Variants in WDR90 observed in about 807,000 individuals in gnomAD.
WDR90 encodes the protein WD repeat domain 90, also known as WD repeat-containing protein 90.
Under a neutral mutation model 195.2 loss-of-function variants are expected in WDR90, and 238 were observed. The observed-to-expected ratio is 1.22, with a 90% CI of 1.10 to 1.36. WDR90 has a LOEUF of 1.36. Among genes scored for constraint, WDR90 ranks in the 40% most tolerant of loss-of-function variants. WDR90 has a pLI of 0.00. For synonymous variants in WDR90, 1,265 were observed against 1,052.4 expected (o/e 1.20, Z -3.91); for missense variants, 2,734 against 2,439.5 (o/e 1.12, Z -2.54).
In WDR90 at chr16:656,283, GACCCC is replaced by G; in HGVS notation, c.1967-9_1967-5del. 6.3e-7 allele frequency: 1 copy of G among 1,585,796 alleles called. No individual in the cohort carries two copies. Among genetic ancestry groups the G allele is most frequent in the Non-Finnish European group, 8.6e-7 (1 of 1,162,156 alleles). On this transcript the variant is annotated splice_polypyrimidine_tract_variant and intron_variant, in intron 17 of 40. Coordinates refer to ENST00000293879, the MANE Select transcript of WDR90 (RefSeq NM_145294.5). ...CCCCGGGGTGGCCCTGGAGGCCCCT[GACCCC>G]ACCCCACCCACAGAGCACGAGGGCC...
chr16:660,883 A>T, intron 28 of WDR90, 168 bp from the exon 29 acceptor site: 3 of 772,770 alleles, frequency 3.9e-6, no homozygotes, highest in Non-Finnish European at 5.2e-6. Flanking sequence ...CCTGTGAAGC[A>T]CTTTGGCTAC....
Position 660,045 on chromosome 16 carries a change from T to A in WDR90, c.3185-13T>A. 1 of 1,535,564 alleles carries A rather than the reference T, an allele frequency of 6.5e-7. No individual in the cohort carries two copies. ...GCAGTGTAATGCCACAAGCTCTGCC[T>A]CCTCCCTGCCAGGCGCCAGGGACAC... On this transcript the variant is annotated splice_polypyrimidine_tract_variant and intron_variant, in intron 26 of 40. Coordinates refer to ENST00000293879, the MANE Select transcript of WDR90 (RefSeq NM_145294.5).
chr16:655,236 T>C (rs1322203582), intron 14 of WDR90, 71 bp from the exon 15 acceptor site: 1 of 1,611,816 alleles, frequency 6.2e-7, no homozygotes. Flanking sequence ...GGCTTGGCTG[T>C]GCGTCTCTGC....
rs190332617 is a variant in WDR90, at chr16:655,049, C to A, written c.1458C>A (p.Thr486=). ...TGCAGATGGTGGTGGCCTGGGGCAC[C>A]GGCCAGGTGGGCCTCGGTGGCGAGG... ...HGRTMVVAWG[T]GQVGLGGEVV... is the part of the protein sequence containing the mutation. The change falls in exon 14 of 41, where the codon ACC becomes ACA. Residue 486 remains threonine (T), a synonymous_variant. Coordinates refer to ENST00000293879, the MANE Select transcript of WDR90 (RefSeq NM_145294.5). 41 of 1,612,628 alleles carry A rather than the reference C, an allele frequency of 2.5e-5. No individual in the cohort carries two copies. In the African/African-American group the frequency reaches 4.8e-4, roughly 19 times the overall value.
At chr16:652,102 C>T (rs1010076589) in intron 9 of WDR90, 63 bp downstream of exon 9, 30 of 1,504,344 alleles carry the variant, frequency 2.0e-5, no homozygotes, top group Non-Finnish European at 2.7e-5. Context: ...GCTGGTAGCC[C>T]GCCCCGAGAT....
Position 658,659 on chromosome 16 carries a change from T to C in WDR90, c.2895+6T>C. 6.2e-7 allele frequency: 1 copy of C among 1,602,818 alleles called. No homozygotes were observed. Among genetic ancestry groups the C allele is most frequent in the South Asian group, 1.1e-5 (1 of 90,854 alleles). On this transcript the variant is annotated splice_donor_region_variant and intron_variant, in intron 23 of 40. Transcript: ENST00000293879. ...AGGCCAGCCCAGGCCCCCAGGTGTGTGCGTGGGGAGGCAGGTGGCTTTGGC... is the reference window on the plus strand; with the variant it reads ...AGGCCAGCCCAGGCCCCCAGGTGTGCGCGTGGGGAGGCAGGTGGCTTTGGC...
At position 653,773 on chromosome 16, in the gene WDR90, C is replaced by A. The variant is rs566783430; in HGVS notation, c.1407C>A (p.Cys469Ter). 4 of 1,613,128 alleles carry A rather than the reference C, an allele frequency of 2.5e-6. No individual in the cohort carries two copies. Among genetic ancestry groups the A allele is most frequent in the African/African-American group, 1.3e-5 (1 of 74,930 alleles). ...TCTCTGACAGCGGGGCCCTTCTCTG[C>A]GGGGTTGGCAAGGACCACCACGGGA... ...LSFSDSGALLCGVGKDHHGRT... is the reference protein window; with the variant it reads ...LSFSDSGALL Residue 469 changes from cysteine to a stop codon, truncating the protein, a stop_gained, in exon 13 of 41, where the codon TGC (cysteine) becomes TGA (stop). Coordinates refer to ENST00000293879, the MANE Select transcript of WDR90 (RefSeq NM_145294.5). LOFTEE classifies it high-confidence loss of function.
chr16:653,578 AAGGGCCCCT>A lies in WDR90; in HGVS notation c.1290_1298del (p.Arg430_Pro432del). 1 of 1,613,458 alleles carries A rather than the reference AAGGGCCCCT, an allele frequency of 6.2e-7. No homozygotes were observed. Among genetic ancestry groups the A allele is most frequent in the South Asian group, 1.1e-5 (1 of 91,088 alleles). ...GCTCACTATTGGCCTCGGCCCAGGC[AAGGGCCCCT>A]AGTGTGATGCGGCTCTGGGACTTCC... On this transcript the variant is annotated inframe_deletion, in exon 12 of 41. Transcript: ENST00000293879.
Position 659,174 on chromosome 16 carries a change from G to T in WDR90, c.3052+48G>T, listed in dbSNP as rs73487445. On this transcript the variant is annotated intron_variant, in intron 25 of 40. Coordinates refer to ENST00000293879, the MANE Select transcript of WDR90 (RefSeq NM_145294.5). The stretch of plus-strand genomic sequence containing the variant: ...GGTGCAGGTGCTGCGCTGACTCTGG[G>T]GCCCGTCCTGTGTCTGCCTAGTGGC... 3.4e-3 allele frequency: 5,534 copies of T among 1,609,818 alleles called. 164 individuals carry two copies. The African/African-American group carries it at 0.063, about 18-fold the overall frequency.
At chr16:662,939 G>A (rs1567222233) in intron 34 of WDR90, 95 bp downstream of exon 34, 2 of 1,512,350 alleles carry the variant, frequency 1.3e-6, no homozygotes, top group Admixed American at 3.9e-5. Context: ...ATGATTCCAA[G>A]TCCTGCCGTC....
At chr16:657,672 G>C in intron 20 of WDR90, 90 bp from the exon 21 acceptor site, 1 of 1,423,180 alleles carries the variant, frequency 7.0e-7, no homozygotes, top group South Asian at 1.5e-5. Flanking sequence ...TTTCCCGAAA[G>C]TGGGGGCAGG....
intron 28 of WDR90, 57 bp from the exon 29 acceptor site, chr16:660,994 C>CCCCA: frequency 1.0e-5 from 1 of 96,210 alleles, no homozygotes; most frequent in Non-Finnish European, 1.6e-5. Flanking sequence ...CCCCAGGCCC[C>CCCCA]TCCCCGCCCC....
At chr16:652,942 G>A (rs949268253) in intron 10 of WDR90, among the ~76,000 whole-genome samples, 1 of 152,240 alleles carries the variant, frequency 6.6e-6, no homozygotes, top group African/African-American at 2.4e-5. Flanking sequence ...TGGCAGAGGA[G>A]GTGGCCTTCC....
At position 655,019 on chromosome 16, in the gene WDR90, C is replaced by T; in HGVS notation, c.1438-10C>T. 1 of 1,611,854 alleles carries T rather than the reference C, an allele frequency of 6.2e-7. No homozygotes were observed. Among genetic ancestry groups the T allele is most frequent in the Non-Finnish European group, 8.5e-7 (1 of 1,179,298 alleles). On this transcript the variant is annotated splice_polypyrimidine_tract_variant and intron_variant, in intron 13 of 40. Coordinates refer to ENST00000293879, the MANE Select transcript of WDR90 (RefSeq NM_145294.5). ...CCCTGCCGTGCGGGCTCAGCCTGGG[C>T]TTGTTGCAGATGGTGGTGGCCTGGG...
chr16:652,519 G>C lies in WDR90; in HGVS notation c.1106G>C (p.Gly369Ala), dbSNP rs1173045371. Reference protein sequence around the residue: ...LRLKGVIGFGGHGTRQALWTP... With the variant: ...LRLKGVIGFGAHGTRQALWTP... ...CTCAAGGGCGTCATCGGCTTTGGGG[G>C]CCACGGCACCAGACAGGTGAGGCTC... Residue 369 changes from glycine (G) to alanine (A), a missense_variant, in exon 10 of 41, where the codon GGC becomes GCC. By Grantham distance (60) the Gly-to-Ala change is moderately conservative (BLOSUM62 0). Transcript: ENST00000293879. 1 of 1,609,576 alleles carries C rather than the reference G, an allele frequency of 6.2e-7. No homozygotes were observed. The highest frequency in any genetic ancestry group is 8.5e-7 in the Non-Finnish European group (1 of 1,177,860).
At chr16:659,479 G>A (rs1053135203) in intron 26 of WDR90, 103 bp downstream of exon 26, 15 of 1,456,782 alleles carry the variant, frequency 1.0e-5, no homozygotes, top group Non-Finnish European at 1.3e-5. Context: ...TGGGGTGCAG[G>A]TGCCATCGCT....
chr16:655,920 GGGAGAGCC>G, intron 17 of WDR90, 31 bp downstream of exon 17: 1 of 1,564,304 alleles, frequency 6.4e-7, no homozygotes, highest in Non-Finnish European at 8.6e-7. Flanking sequence ...TCCCAACTCC[GGGAGAGCC>G]TCGCCTGGAT....
chr16:665,830 G>A (rs375746467), intron 35 of WDR90, 29 bp downstream of exon 35: 33 of 1,559,788 alleles, frequency 2.1e-5, no homozygotes, highest in Admixed American at 9.0e-5. Flanking sequence ...GGCCGGGGGC[G>A]GGATGGGGGC....
intron 2 of WDR90, 36 bp from the exon 3 acceptor site, chr16:649,954 TG>T: frequency 6.2e-7 from 1 of 1,609,830 alleles, no homozygotes; most frequent in Non-Finnish European, 8.5e-7. Flanking sequence ...GCACTTCTTC[TG>T]GGTGCTGTCG....
Sources: gnomAD v4.1 joint callset for allele counts (sites outside exome capture counted in the v4.1 genomes callset) on GRCh38, gnomAD v4.1.1 for gene constraint, MANE v1.5 for transcripts, NCBI Gene and HGNC (gene_info 2026-07-23, HGNC 2026-07-21) for gene names.